The following NAALADL2 variants were observed in gnomAD, a reference collection of about 807,000 sequenced individuals.
The protein encoded by NAALADL2 is inactive N-acetylated-alpha-linked acidic dipeptidase-like protein 2.
A neutral mutation model predicts 87.2 loss-of-function variants in NAALADL2; 76 were observed. The observed-to-expected ratio is 0.87, with a 90% CI of 0.72 to 1.05. NAALADL2 has a LOEUF of 1.05. NAALADL2 is among the 50% of genes least tolerant of loss of function. NAALADL2 has a pLI of 0.00. For missense variants in NAALADL2, 1,089 were observed against 945.8 expected (o/e 1.15, Z -1.99); for synonymous variants, 354 against 331.0 (o/e 1.07, Z -0.75).
intron 2 of NAALADL2, among the ~76,000 whole-genome samples, chr3:174,567,410 T>C (rs1306909616): frequency 6.6e-6 from 1 of 151,532 alleles, no homozygotes; most frequent in African/African-American, 2.4e-5. Context: ...TTCAATATAA[T>C]TTTTTTCAAT....
chr3:174,725,522 T>C (rs1241803920), intron 2 of NAALADL2, among the ~76,000 whole-genome samples: 2 of 152,186 alleles, frequency 1.3e-5, no homozygotes, highest in Non-Finnish European at 2.9e-5. Context: ...GTACCTGAAA[T>C]TACTTTTATA....
At chr3:175,248,947 A>G (rs960569610) in intron 3 of NAALADL2, among the ~76,000 whole-genome samples, 3 of 152,084 alleles carry the variant, frequency 2.0e-5, no homozygotes, top group African/African-American at 7.2e-5. Context: ...ATTGTATCAA[A>G]CAGAATTATA....
intron 2 of NAALADL2, among the ~76,000 whole-genome samples, chr3:174,646,593 T>G (rs1723804264): frequency 8.0e-6 from 1 of 124,742 alleles, no homozygotes; most frequent in African/African-American, 3.7e-5. Flanking sequence ...AAGAATTCTT[T>G]TAAGATAAAC....
chr3:175,016,783 A>G (rs1006815219), intron 1 of NAALADL2, among the ~76,000 whole-genome samples: 2 of 151,904 alleles, frequency 1.3e-5, no homozygotes, highest in Non-Finnish European at 2.9e-5. Context: ...TTTTCTTTTT[A>G]TCTTTTATTG....
intron 11 of NAALADL2, among the ~76,000 whole-genome samples, chr3:175,704,760 T>C (rs1215073286): frequency 6.6e-6 from 1 of 152,212 alleles, no homozygotes; most frequent in Non-Finnish European, 1.5e-5. Context: ...CCATGTCTTA[T>C]TTGCACAGCT....
In NAALADL2 at chr3:174,815,020, T is replaced by G. The variant is rs113730437; in HGVS notation, c.-9+77274T>G. ...ATTTCTATATAACATGTTGAATGTT[T>G]TATATAATTAATGCAAAACTGAGTT... On this transcript the variant is annotated intron_variant, in intron 3 of 3. Transcript: ENST00000434257. Among the ~76,000 whole-genome samples, 1,005 of 152,346 alleles carry G rather than the reference T, an allele frequency of 6.6e-3. 12 individuals are homozygous for G. The highest frequency in any genetic ancestry group is 0.023 in the African/African-American group (959 of 41,576).
intron 1 of NAALADL2, among the ~76,000 whole-genome samples, chr3:175,033,431 C>T (rs1753014922): frequency 6.6e-6 from 1 of 152,042 alleles, no homozygotes; most frequent in South Asian, 2.1e-4. Flanking sequence ...AACTGTCACT[C>T]ACCTGGAAAG....
intron 1 of NAALADL2, among the ~76,000 whole-genome samples, chr3:174,541,096 T>C (rs1483431796): frequency 6.6e-6 from 1 of 152,202 alleles, no homozygotes; most frequent in Non-Finnish European, 1.5e-5. Flanking sequence ...ACCATGTTGC[T>C]CTTCTTTAAC....
At chr3:175,117,900 T>C (rs1038200018) in intron 2 of NAALADL2, among the ~76,000 whole-genome samples, 17 of 152,002 alleles carry the variant, frequency 1.1e-4, no homozygotes, top group Non-Finnish European at 1.9e-4. Context: ...ATTAAGAAAA[T>C]GTGGCATGTA....
At chr3:174,766,865 A>C (rs2109092569) in intron 3 of NAALADL2, among the ~76,000 whole-genome samples, 1 of 152,330 alleles carries the variant, frequency 6.6e-6, no homozygotes, top group Non-Finnish European at 1.5e-5. Context: ...TAATATATTG[A>C]GGACTAAGCA....
At chr3:174,593,409 T>C (rs1236015260) in intron 2 of NAALADL2, among the ~76,000 whole-genome samples, 2 of 152,098 alleles carry the variant, frequency 1.3e-5, no homozygotes, top group Non-Finnish European at 2.9e-5. Context: ...ATTCATATCT[T>C]TACTTGGAAG....
chr3:174,474,682 C>T (rs1348937121), intron 1 of NAALADL2, among the ~76,000 whole-genome samples: 7 of 152,066 alleles, frequency 4.6e-5, no homozygotes, highest in East Asian at 1.9e-4. Flanking sequence ...GTGTTTAAAA[C>T]GTCTTTCTTC....
intron 2 of NAALADL2, among the ~76,000 whole-genome samples, chr3:175,133,082 C>T (rs1483583459): frequency 6.8e-5 from 10 of 147,730 alleles, no homozygotes; most frequent in South Asian, 2.1e-4. Context: ...ACATCCCAGA[C>T]GGGGCGGCGG....
intron 1 of NAALADL2, among the ~76,000 whole-genome samples, chr3:175,080,012 C>G (rs978331054): frequency 5.3e-5 from 8 of 151,656 alleles, no homozygotes; most frequent in Non-Finnish European, 1.2e-4. Flanking sequence ...GTCACCCAGG[C>G]TAGAGTGCAG....
At chr3:175,145,698 A>T (rs535286471) in intron 2 of NAALADL2, among the ~76,000 whole-genome samples, 1 of 152,000 alleles carries the variant, frequency 6.6e-6, no homozygotes, top group East Asian at 1.9e-4. Context: ...TTTTTACCTG[A>T]ATTATTGCTA....
chr3:175,797,298 T>C (rs1168106489), intron 13 of NAALADL2, among the ~76,000 whole-genome samples: 4 of 152,150 alleles, frequency 2.6e-5, no homozygotes, highest in South Asian at 4.1e-4. Flanking sequence ...TTACACATGA[T>C]AACTACTAAA....
intron 2 of NAALADL2, among the ~76,000 whole-genome samples, chr3:174,618,300 A>G (rs1014806476): frequency 4.6e-5 from 7 of 151,900 alleles, no homozygotes; most frequent in Non-Finnish European, 7.4e-5. Flanking sequence ...GAGAAGGTTG[A>G]ATAAAGATTC....
chr3:175,133,131 G>A (rs866752439), intron 2 of NAALADL2, among the ~76,000 whole-genome samples: 90 of 149,452 alleles, frequency 6.0e-4, no homozygotes, highest in Middle Eastern at 7.0e-3. Context: ...ATGGGCGGCC[G>A]GGCAGAGACG....
intron 1 of NAALADL2, among the ~76,000 whole-genome samples, chr3:174,472,311 T>C (rs945250746): frequency 2.0e-5 from 3 of 152,216 alleles, no homozygotes; most frequent in African/African-American, 7.2e-5. Flanking sequence ...TAGTTCCACT[T>C]TCTCTGTCAT....
Sources: allele counts gnomAD v4.1 joint callset (sites outside exome capture counted in the v4.1 genomes callset), GRCh38; gene constraint gnomAD v4.1.1; transcripts MANE v1.5; gene names NCBI Gene and HGNC (gene_info 2026-07-23, HGNC 2026-07-21).